GOLGA8N: variants seen among roughly 807,000 people sequenced by gnomAD.
GOLGA8N encodes golgin subfamily A member 8N.
In GOLGA8N, 2 loss-of-function variants were observed where a neutral mutation model predicts 22.0. The observed-to-expected ratio is 0.09, with a 90% CI of 0.04 to 0.29. The LOEUF (loss-of-function observed/expected upper bound fraction) is 0.29. Ranked by LOEUF, GOLGA8N falls within the 10% of genes least tolerant of loss-of-function variation. The pLI is 1.00. For missense variants in GOLGA8N, 10 were observed against 164.7 expected (o/e 0.06, Z 5.14); for synonymous variants, 2 against 58.7 (o/e 0.03, Z 4.41).
At chr15:32,606,842 T>G (rs2052940965) in exon 19 of GOLGA8N, 1 of 151,400 alleles carries the variant, frequency 6.6e-6, no homozygotes. Context: ...CTCTAAAACT[T>G]TATCTTAGTC....
At chr15:32,593,967 A>C in intron 1 of GOLGA8N, 1 of 711,812 alleles carries the variant, frequency 1.4e-6, no homozygotes. Flanking sequence ...TGGGCTGGTG[A>C]CTCCTGGGAC....
exon 19 of GOLGA8N, chr15:32,606,780 C>G (rs1260254883): frequency 6.6e-6 from 1 of 151,474 alleles, no homozygotes; most frequent in East Asian, 1.9e-4. Flanking sequence ...AAAACCAAAG[C>G]TGATTTCAGA....
chr15:32,606,018 G>T (rs1595747374), exon 19 of GOLGA8N: 1 of 103,832 alleles, frequency 9.6e-6, no homozygotes, highest in Admixed American at 1.1e-4. Flanking sequence ...TCCTGTTCTC[G>T]CCTTTTATTT....
chr15:32,597,357 A>G, intron 4 of GOLGA8N, 94 bp from the exon 5 acceptor site: 1 of 1,354,642 alleles, frequency 7.4e-7, no homozygotes, highest in Non-Finnish European at 1.0e-6. Flanking sequence ...CTTTGCCTTT[A>G]AAATCCATTC....
At chr15:32,598,347 TG>T (rs2052851283) in intron 8 of GOLGA8N, among the ~76,000 whole-genome samples, 170 bp downstream of exon 8, 2 of 62,190 alleles carry the variant, frequency 3.2e-5, no homozygotes, top group African/African-American at 1.2e-4. Context: ...AGTCAGCTGC[TG>T]TGGGTGAGTT....
At chr15:32,595,878 C>CT (rs1220692219) in intron 2 of GOLGA8N, among the ~76,000 whole-genome samples, 1 of 151,204 alleles carries the variant, frequency 6.6e-6, no homozygotes, top group Non-Finnish European at 1.5e-5. Flanking sequence ...TTGGGCCTCT[C>CT]TTTTCACATC....
At chr15:32,606,517 ACCTCATTCAGCCGAGTATTTGTACTCTT>A in exon 19 of GOLGA8N, 1 of 151,668 alleles carries the variant, frequency 6.6e-6, no homozygotes, top group African/African-American at 2.4e-5. Context: ...CTTTTGCGAT[ACCTCATTCAGCCGAGTATTTGTACTCTT>A]CCTCATTCAG....
chr15:32,593,613 C>CT lies in GOLGA8N; in HGVS notation c.48+13dup, dbSNP rs1208152094. The CT allele has an allele frequency of 1.3e-6, 2 of 1,530,460 alleles. No individual in the cohort carries two copies. Among genetic ancestry groups the CT allele is most frequent in the Non-Finnish European group, 1.8e-6 (2 of 1,140,374 alleles). The allele number at this position is 1,530,460 out of a possible 1,614,324, so 94.8% of individuals were successfully genotyped here. On this transcript the variant is annotated intron_variant, in intron 1 of 18. Transcript: ENST00000448387. ...CAGCCAAGAAAAAGGTAAAAACGCA[C>CT]TAGGTCATAGCCCCTCAACCCAGCC... is the stretch of plus-strand genomic sequence containing the variant.
exon 1 of GOLGA8N, chr15:32,593,502 T>C (rs376639997): frequency 3.5e-5 from 55 of 1,565,194 alleles, no homozygotes; most frequent in Middle Eastern, 4.4e-4. Flanking sequence ...GATCGGTTCT[T>C]ATTGGGATTT....
At chr15:32,606,826 T>C (rs571527336) in exon 19 of GOLGA8N, 8 of 151,590 alleles carry the variant, frequency 5.3e-5, no homozygotes, top group African/African-American at 1.9e-4. Flanking sequence ...ATCCATAATA[T>C]AGTTTCTCTA....
exon 19 of GOLGA8N, chr15:32,606,635 A>G (rs1333454960): frequency 1.3e-5 from 2 of 149,662 alleles, no homozygotes; most frequent in Non-Finnish European, 3.0e-5. Context: ...TTAAACTGTG[A>G]GTTCCACTGA....
chr15:32,606,749 GAAAA>G (rs200322648), exon 19 of GOLGA8N: 1 of 141,638 alleles, frequency 7.1e-6, no homozygotes, highest in Admixed American at 7.0e-5. Flanking sequence ...TTCCAGAAAT[GAAAA>G]AAAAAAAATC....
exon 19 of GOLGA8N, chr15:32,606,333 G>A (rs1217225554): frequency 8.7e-6 from 1 of 114,500 alleles, no homozygotes; most frequent in African/African-American, 3.3e-5. Flanking sequence ...AGGTGCCTAT[G>A]GATTAAATCA....
chr15:32,606,100 C>T (rs1349537325), exon 19 of GOLGA8N: 64 of 64,554 alleles, frequency 9.9e-4, no homozygotes, highest in East Asian at 3.8e-3. Context: ...TTTAAACCCT[C>T]GGGCTAGAAA....
At chr15:32,596,050 AG>A (rs2052821358) in intron 2 of GOLGA8N, among the ~76,000 whole-genome samples, 1 of 93,758 alleles carries the variant, frequency 1.1e-5, no homozygotes, top group African/African-American at 4.7e-5. Context: ...AGGGGAAACC[AG>A]GACAAAGAGA....
At chr15:32,604,479 CT>C in exon 19 of GOLGA8N, 1 of 182,762 alleles carries the variant, frequency 5.5e-6, no homozygotes, top group Non-Finnish European at 1.1e-5. Context: ...CTGTTTATTA[CT>C]TTGTAATACG....
At chr15:32,606,881 T>G (rs2052941461) in exon 19 of GOLGA8N, 1 of 150,506 alleles carries the variant, frequency 6.6e-6, no homozygotes, top group Non-Finnish European at 1.5e-5. Context: ...TATTAAAAAA[T>G]GTAACTGCTA....
exon 19 of GOLGA8N, chr15:32,606,151 TTTTTC>T (rs1199151940): frequency 1.6e-5 from 1 of 63,670 alleles, no homozygotes; most frequent in Non-Finnish European, 3.7e-5. Flanking sequence ...GGTCTAACGT[TTTTTC>T]TTTTATCATT....
chr15:32,605,228 T>C (rs1439515288), exon 19 of GOLGA8N: 2 of 147,314 alleles, frequency 1.4e-5, no homozygotes, highest in Admixed American at 6.9e-5. Flanking sequence ...GAAAACACTT[T>C]AAAAAAAATA....
Sources: allele counts gnomAD v4.1 joint callset (sites outside exome capture counted in the v4.1 genomes callset), GRCh38; gene constraint gnomAD v4.1.1; transcripts MANE v1.5; gene names NCBI Gene and HGNC (gene_info 2026-07-23, HGNC 2026-07-21).